ELMO1: variants seen among roughly 807,000 people sequenced by gnomAD.
The protein encoded by ELMO1 is engulfment and cell motility 1.
A neutral mutation model predicts 98.9 loss-of-function variants in ELMO1; 26 were observed. The ratio of observed to expected loss-of-function variants is 0.26; its 90% CI spans 0.19 to 0.36. ELMO1 has a LOEUF of 0.36. Among genes scored for constraint, ELMO1 ranks in the 10% least tolerant of loss-of-function variants. ELMO1 has a pLI of 1.00. For missense variants in ELMO1, 627 were observed against 935.2 expected, an observed-to-expected ratio of 0.67 and a Z score of 4.30; for synonymous variants, 346 against 346.0, an observed-to-expected ratio of 1.00 and a Z score of 0.00.
chr7:37,217,632 C>T (rs1164618847), intron 10 of ELMO1: 11 of 450,724 alleles, frequency 2.4e-5, no homozygotes, highest in South Asian at 1.6e-4. Flanking sequence ...CTGAGGAGGG[C>T]ATACAAGCAG....
chr7:36,998,227 G>T (rs78833351), intron 16 of ELMO1, among the ~76,000 whole-genome samples: 1,592 of 152,220 alleles, frequency 0.01, 42 homozygotes, highest in East Asian at 0.069. Context: ...CAGGGATTCA[G>T]AACAATGTGA....
intron 8 of ELMO1, among the ~76,000 whole-genome samples, chr7:37,225,708 T>A (rs553967023): frequency 2.0e-5 from 3 of 152,274 alleles, no homozygotes; most frequent in South Asian, 2.1e-4. Context: ...CAAAATAGAT[T>A]CTCTAAGGAA....
intron 16 of ELMO1, among the ~76,000 whole-genome samples, chr7:36,897,336 G>GTGTGTGTGTGTGTGTGTGTGTA (rs1554351183): frequency 0.39 from 58,227 of 147,920 alleles, 12,067 homozygotes; most frequent in Non-Finnish European, 0.47. Context: ...GTGTGTGTGT[G>GTGTGTGTGTGTGTGTGTGTGTA]TGTGTGTGTG....
At chr7:37,007,812 C>T (rs1031222758) in intron 16 of ELMO1, among the ~76,000 whole-genome samples, 4 of 152,128 alleles carry the variant, frequency 2.6e-5, no homozygotes, top group African/African-American at 9.7e-5. Context: ...TAGGAGATTT[C>T]TCAGGATGTT....
chr7:37,058,903 G>A (rs1209721757), intron 15 of ELMO1, among the ~76,000 whole-genome samples: 2 of 152,160 alleles, frequency 1.3e-5, no homozygotes, highest in Non-Finnish European at 2.9e-5. Context: ...CCCATTGTGG[G>A]TTTCTTCCTT....
Position 37,086,753 on chromosome 7 carries a change from A to AG in ELMO1, c.1300+9865_1300+9866insC, listed in dbSNP as rs1445732599. Among the ~76,000 whole-genome samples, 6 of 143,520 alleles carry AG rather than the reference A, an allele frequency of 4.2e-5. 1 individual carries two copies. Among genetic ancestry groups the AG allele is most frequent in the Admixed American group, 4.1e-4 (6 of 14,578 alleles). 94.2% of individuals were successfully genotyped at this position (143,520 alleles called of 152,430 possible). A position where few individuals can be genotyped will look rare whatever the true frequency, so the allele number is the denominator to read the frequency against. ...GTGAGATCCTGTCTCCAAAAAAAAA[A>AG]AAAAAAAAAAAAGAAATCTTTGAAC... On this transcript the variant is annotated intron_variant, in intron 15 of 21. Transcript: ENST00000310758.
At chr7:37,202,733 C>T (rs374285948) in intron 13 of ELMO1, among the ~76,000 whole-genome samples, 22 of 152,212 alleles carry the variant, frequency 1.4e-4, no homozygotes, top group African/African-American at 5.1e-4. Flanking sequence ...TTTATACTTC[C>T]CTCAGGTGGC....
intron 19 of ELMO1, among the ~76,000 whole-genome samples, chr7:36,873,281 G>A (rs540491312): frequency 1.3e-5 from 2 of 151,686 alleles, no homozygotes; most frequent in East Asian, 1.9e-4. Context: ...GAAACAGAGG[G>A]GTCAGACTCA....
chr7:37,091,290 A>T (rs1370956849), intron 15 of ELMO1, among the ~76,000 whole-genome samples: 7 of 152,010 alleles, frequency 4.6e-5, no homozygotes, highest in Non-Finnish European at 1.0e-4. Context: ...TATTTTTAGT[A>T]GAGATGGGGT....
chr7:37,319,978 G>A (rs1320638024), intron 2 of ELMO1, among the ~76,000 whole-genome samples: 4 of 152,258 alleles, frequency 2.6e-5, no homozygotes, highest in African/African-American at 9.6e-5. Flanking sequence ...AGTCCCAGCT[G>A]AGCATGGTGG....
At chr7:36,962,564 T>C (rs779611056) in intron 16 of ELMO1, among the ~76,000 whole-genome samples, 69 of 151,026 alleles carry the variant, frequency 4.6e-4, no homozygotes, top group Admixed American at 4.1e-3. Context: ...AGGAAGAATG[T>C]AGAGTTTGGT....
Position 37,103,329 on chromosome 7 carries a change from A to G in ELMO1, c.1192-6602T>C, listed in dbSNP as rs149517782. Among the ~76,000 whole-genome samples, 81 of 152,292 alleles carry G rather than the reference A, an allele frequency of 5.3e-4. 1 individual carries two copies. The East Asian group carries it at 0.015, about 29-fold the overall frequency. On this transcript the variant is annotated intron_variant, in intron 14 of 21. Coordinates refer to ENST00000310758, the MANE Select transcript of ELMO1 (RefSeq NM_014800.11). ...GTAAAGTAAGGACTTGGATGAAATC[A>G]TATTTCTGACTTACATGGGTTTCCT...
intron 13 of ELMO1, among the ~76,000 whole-genome samples, chr7:37,139,963 G>T (rs370948869): frequency 3.3e-5 from 5 of 152,032 alleles, no homozygotes; most frequent in Admixed American, 3.3e-4. Context: ...AAATAAAGTG[G>T]GAAAAGGACA....
intron 13 of ELMO1, among the ~76,000 whole-genome samples, chr7:37,198,667 C>G (rs1216113560): frequency 6.6e-6 from 1 of 152,236 alleles, no homozygotes; most frequent in African/African-American, 2.4e-5. Context: ...GAGACCCTGA[C>G]GTTTCTTTGC....
chr7:37,200,513 G>A (rs144325791), intron 13 of ELMO1, among the ~76,000 whole-genome samples: 3 of 152,174 alleles, frequency 2.0e-5, no homozygotes, highest in South Asian at 2.1e-4. Context: ...GTACAGGCAG[G>A]GTGCTGGCAA....
intron 1 of ELMO1, among the ~76,000 whole-genome samples, chr7:37,438,412 C>T (rs1488083751): frequency 1.4e-5 from 2 of 142,440 alleles, no homozygotes; most frequent in Non-Finnish European, 1.5e-5. Context: ...ACAGTGAAAT[C>T]CTGTCTCTAC....
rs531196077 is a variant in ELMO1 at position 37,158,631 on chromosome 7, G to A, written c.1087-25397C>T. Among the ~76,000 whole-genome samples the A allele has an allele frequency of 6.8e-3, 1,041 of 152,186 alleles. 6 individuals carry two copies. The highest frequency in any genetic ancestry group is 0.011 in the Non-Finnish European group (732 of 67,980). On this transcript the variant is annotated intron_variant, in intron 13 of 21. Transcript: ENST00000310758. Reference sequence around the variant, plus strand: ...ACCATCTCACACCAGTTAGAATGGCGATCATTAAAAAGTCAGGAAACAACA... The same window carrying A: ...ACCATCTCACACCAGTTAGAATGGCAATCATTAAAAAGTCAGGAAACAACA...
At chr7:37,153,773 C>A (rs1176862496) in intron 13 of ELMO1, among the ~76,000 whole-genome samples, 1 of 152,184 alleles carries the variant, frequency 6.6e-6, no homozygotes, top group Non-Finnish European at 1.5e-5. Context: ...ACTTAAACAT[C>A]TCTACCAGAC....
At chr7:36,866,921 AG>A in intron 20 of ELMO1, among the ~76,000 whole-genome samples, 1 of 152,292 alleles carries the variant, frequency 6.6e-6, no homozygotes, top group Admixed American at 6.5e-5. Flanking sequence ...GGGGTTCAGC[AG>A]GTAAAATCGT....
Sources: allele counts gnomAD v4.1 joint callset (sites outside exome capture counted in the v4.1 genomes callset), GRCh38; gene constraint gnomAD v4.1.1; transcripts MANE v1.5; gene names NCBI Gene and HGNC (gene_info 2026-07-23, HGNC 2026-07-21).